POLE2: variants seen among roughly 807,000 people sequenced by gnomAD.
POLE2 encodes the protein DNA polymerase epsilon subunit 2.
A neutral mutation model predicts 79.4 loss-of-function variants in POLE2; 56 were observed. That is an observed-to-expected ratio of 0.71 (90% CI 0.57 to 0.88). POLE2 has a LOEUF of 0.88. POLE2 is among the 40% of genes least tolerant of loss of function. The probability of loss-of-function intolerance (pLI) is 0.00; values close to 1 mark genes in which losing one functional copy is unlikely to be tolerated. For missense variants in POLE2, 598 were observed against 638.9 expected, an observed-to-expected ratio of 0.94 and a Z score of 0.69; for synonymous variants, 212 against 214.0, an observed-to-expected ratio of 0.99 and a Z score of 0.08.
At chr14:49,648,272 T>TA (rs1288273454) in intron 17 of POLE2, among the ~76,000 whole-genome samples, 28 of 152,196 alleles carry the variant, frequency 1.8e-4, no homozygotes, top group African/African-American at 6.8e-4. Context: ...TTAATGTGAA[T>TA]AAATATCAAG....
At chr14:49,688,024 T>G (rs1887286997) in intron 1 of POLE2, 112 bp downstream of exon 1, 2 of 864,372 alleles carry the variant, frequency 2.3e-6, no homozygotes, top group East Asian at 2.9e-5. Context: ...AAATTTAAGG[T>G]CAAGCCCCCT....
chr14:49,686,334 ACT>A lies in POLE2; in HGVS notation c.68+1800_68+1801del, dbSNP rs112022278. ...TAGGTTGCCTCAGAGTTACTAGAAG[ACT>A]CTCTCTCTTGATGAAGCCATGTTGG... On this transcript the variant is annotated intron_variant, in intron 1 of 18. Coordinates refer to ENST00000216367, the MANE Select transcript of POLE2 (RefSeq NM_002692.4). Among the ~76,000 whole-genome samples, 80 of 152,264 alleles carry A rather than the reference ACT, an allele frequency of 5.3e-4. No individual in the cohort carries two copies. In the South Asian group the frequency reaches 0.012, roughly 24 times the overall value.
At chr14:49,672,673 A>G (rs1467561812) in intron 5 of POLE2, among the ~76,000 whole-genome samples, 1 of 151,852 alleles carries the variant, frequency 6.6e-6, no homozygotes, top group Non-Finnish European at 1.5e-5. Flanking sequence ...CTACTTTTGT[A>G]TTTTTACTAG....
chr14:49,649,356 C>T (rs1819826339), intron 17 of POLE2, among the ~76,000 whole-genome samples: 1 of 151,116 alleles, frequency 6.6e-6, no homozygotes, highest in Non-Finnish European at 1.5e-5. Flanking sequence ...CCATGTTAGC[C>T]AGGATGGTCT....
chr14:49,665,449 A>C (rs1367597798), intron 7 of POLE2, among the ~76,000 whole-genome samples: 3 of 152,126 alleles, frequency 2.0e-5, no homozygotes, highest in Non-Finnish European at 4.4e-5. Context: ...CTCCCCAGGT[A>C]CCTTCTAAGA....
intron 1 of POLE2, among the ~76,000 whole-genome samples, chr14:49,685,062 A>G (rs1160241190): frequency 6.6e-6 from 1 of 152,208 alleles, no homozygotes; most frequent in Admixed American, 6.5e-5. Flanking sequence ...AACTAGTTAC[A>G]TGCCACTACA....
At chr14:49,657,155 C>T (rs1383136741) in intron 10 of POLE2, among the ~76,000 whole-genome samples, 3 of 151,280 alleles carry the variant, frequency 2.0e-5, no homozygotes, top group South Asian at 2.1e-4. Flanking sequence ...TGTAATTGGG[C>T]GATTGTTTCA....
In POLE2 at chr14:49,651,497, A is replaced by T; in HGVS notation, c.1212-120T>A. On this transcript the variant is annotated intron_variant, in intron 15 of 18. Coordinates refer to ENST00000216367, the MANE Select transcript of POLE2 (RefSeq NM_002692.4). ...TTCACTGTTCACCACACAAAACTTC[A>T]ACCAGAGTCTGTCTATTCATCTATT... is the stretch of plus-strand genomic sequence containing the variant. 3 of 521,456 alleles carry T rather than the reference A, an allele frequency of 5.8e-6. No homozygotes were observed. In the South Asian group the frequency reaches 9.3e-5, roughly 16 times the overall value. 32.3% of individuals were successfully genotyped at this position (521,456 alleles called of 1,614,324 possible).
intron 13 of POLE2, 52 bp downstream of exon 13, chr14:49,654,731 GT>G (rs3218793): frequency 7.8e-4 from 998 of 1,280,298 alleles, no homozygotes; most frequent in South Asian, 1.7e-3. Flanking sequence ...TTCATTTTTT[GT>G]TTTTTTTTTA....
Position 49,654,021 on chromosome 14 carries a change from G to A in POLE2, c.1180C>T (p.Pro394Ser). 1 of 1,595,216 alleles carries A rather than the reference G, an allele frequency of 6.3e-7. No homozygotes were observed. The highest frequency in any genetic ancestry group is 2.2e-5 in the East Asian group (1 of 44,814). The change falls in exon 15 of 19, where the codon CCA becomes TCA. Residue 394 changes from proline (P) to serine (S), a missense_variant. Pro to Ser is a moderately conservative substitution (Grantham distance 74). Transcript: ENST00000216367. ...SITNEFRQRV[P>S]FSVFTTNPCR... ...GGATTAGTAGTAAAAACTGAAAATG[G>A]TACCCTTTGTCTGAATTCATTAGTG... is the stretch of plus-strand genomic sequence containing the variant.
chr14:49,684,400 G>A (rs1886965689), intron 1 of POLE2: 1 of 151,882 alleles, frequency 6.6e-6, no homozygotes, highest in Non-Finnish European at 1.5e-5. Context: ...GGGAGGCAGA[G>A]CTTGCAGTAA....
At chr14:49,674,310 C>T (rs1360974831) in intron 4 of POLE2, 40 bp downstream of exon 4, 2 of 1,493,362 alleles carry the variant, frequency 1.3e-6, no homozygotes, top group South Asian at 1.1e-5. Flanking sequence ...AAAAAAAGTA[C>T]ATTTGAAATT....
At chr14:49,674,289 T>C (rs930695851) in intron 4 of POLE2, 61 bp downstream of exon 4, 3 of 1,446,222 alleles carry the variant, frequency 2.1e-6, no homozygotes, top group African/African-American at 2.8e-5. Context: ...CAAGAGACTA[T>C]ACCTTCTGAA....
chr14:49,654,549 A>T (rs1248267625), intron 13 of POLE2: 1 of 467,778 alleles, frequency 2.1e-6, no homozygotes, highest in East Asian at 3.8e-5. Context: ...GACTCTTAAG[A>T]GTAATGCCAC....
chr14:49,675,170 C>T (rs951196486), intron 3 of POLE2, among the ~76,000 whole-genome samples: 15 of 151,624 alleles, frequency 9.9e-5, no homozygotes, highest in South Asian at 2.1e-4. Context: ...CCACAACCTC[C>T]GCCTCCAGGG....
chr14:49,653,909 G>T, intron 15 of POLE2, 81 bp downstream of exon 15: 1 of 790,816 alleles, frequency 1.3e-6, no homozygotes, highest in Non-Finnish European at 2.1e-6. Context: ...CCAAAGTGCT[G>T]AGATTACAGA....
intron 3 of POLE2, among the ~76,000 whole-genome samples, chr14:49,676,513 ACT>A (rs1402248331): frequency 6.6e-6 from 1 of 152,122 alleles, no homozygotes; most frequent in African/African-American, 2.4e-5. Flanking sequence ...TGATATAATG[ACT>A]CTCTGACAAT....
At chr14:49,644,068 C>T (rs546961587) in intron 18 of POLE2, among the ~76,000 whole-genome samples, 3 of 150,004 alleles carry the variant, frequency 2.0e-5, no homozygotes, top group Admixed American at 6.6e-5. Context: ...TTAGTAGAGA[C>T]GAGGTTTCAC....
chr14:49,657,814 T>C (rs9635220), intron 10 of POLE2, among the ~76,000 whole-genome samples: 33,649 of 152,142 alleles, frequency 0.22, 3,971 homozygotes, highest in Admixed American at 0.3. Flanking sequence ...CACTGAACCA[T>C]TGCTCCTTGG....
Sources: allele counts gnomAD v4.1 joint callset (sites outside exome capture counted in the v4.1 genomes callset), GRCh38; gene constraint gnomAD v4.1.1; transcripts MANE v1.5; gene names NCBI Gene and HGNC (gene_info 2026-07-23, HGNC 2026-07-21).